ZNF679: variants seen among roughly 807,000 people sequenced by gnomAD.
ZNF679 encodes the protein zinc finger protein 679, also known as hypothetical protein MGC42415.
In ZNF679, 10 loss-of-function variants were observed where a neutral mutation model predicts 13.4. The ratio of observed to expected loss-of-function variants is 0.75; its 90% confidence interval spans 0.46 to 1.27. ZNF679 has a LOEUF of 1.27. Ranked by LOEUF, ZNF679 falls within the 50% of genes most tolerant of loss-of-function variation. The pLI, the probability that ZNF679 is intolerant of heterozygous loss-of-function variation, is 0.00. For synonymous variants in ZNF679, 179 were observed against 162.5 expected (o/e 1.10, Z -0.77); for missense variants, 525 against 477.8 (o/e 1.10, Z -0.92).
Position 64,260,873 on chromosome 7 carries a change from A to T in ZNF679, c.206A>T (p.Glu69Val). The change falls in exon 4 of 5, where the codon GAG becomes GTG. Residue 69 changes from glutamate to valine, a missense_variant. Physicochemically the swap from Glu to Val is moderately radical, Grantham distance 121 (BLOSUM62 -2). Transcript: ENST00000421025. The part of the protein sequence containing the change: ...VSKPDLITCL[E>V]QNKEPWNIKR... ...AAGCCAGACTTGATCACCTGTCTGG[A>T]GCAAAATAAAGAGCCTTGGAATATA... 1 of 1,610,712 alleles carries T rather than the reference A, an allele frequency of 6.2e-7. No homozygotes were observed. The highest frequency in any genetic ancestry group is 8.5e-7 in the Non-Finnish European group (1 of 1,179,042).
intron 1 of ZNF679, among the ~76,000 whole-genome samples, chr7:64,232,436 T>TG (rs1424367985): frequency 6.6e-6 from 1 of 152,208 alleles, no homozygotes; most frequent in Non-Finnish European, 1.5e-5. Context: ...TCTTATTGGC[T>TG]GGGTCCATCT....
rs1554299372 is a variant in ZNF679 at position 64,266,530 on chromosome 7, A to G, written c.897A>G (p.Glu299=). Residue 299 remains glutamate, a synonymous_variant, in exon 5 of 5, where the codon GAA becomes GAG. Coordinates refer to ENST00000421025, the MANE Select transcript of ZNF679 (RefSeq NM_153363.3). ...IHTGEKPYTC[E]ECGKAFSLSS... ...CTGGAGAGAAACCATACACATGTGA[A>G]GAATGTGGCAAAGCCTTTAGCTTAT... 5.6e-5 allele frequency: 90 copies of G among 1,612,542 alleles called. 1 individual carries two copies. The South Asian group carries it at 9.1e-4, about 16-fold the overall frequency.
At chr7:64,256,163 T>C (rs1012994925) in intron 2 of ZNF679, among the ~76,000 whole-genome samples, 1 of 152,186 alleles carries the variant, frequency 6.6e-6, no homozygotes, top group Non-Finnish European at 1.5e-5. Context: ...AGTGACAACA[T>C]ACAGTATTTG....
At chr7:64,250,705 C>T (rs992183517) in intron 2 of ZNF679, among the ~76,000 whole-genome samples, 1 of 151,992 alleles carries the variant, frequency 6.6e-6, no homozygotes, top group African/African-American at 2.4e-5. Context: ...TCTCCTGCCT[C>T]AGCCTCCCGA....
chr7:64,258,338 A>T (rs1788030535), intron 2 of ZNF679, among the ~76,000 whole-genome samples: 2 of 152,244 alleles, frequency 1.3e-5, no homozygotes, highest in Middle Eastern at 3.4e-3. Context: ...ATCTTATCTG[A>T]AAATACATTT....
intron 1 of ZNF679, among the ~76,000 whole-genome samples, chr7:64,232,229 G>T (rs1234044084): frequency 6.6e-6 from 1 of 152,200 alleles, no homozygotes; most frequent in Non-Finnish European, 1.5e-5. Context: ...TGTGTTGAGG[G>T]TGAAAATCTT....
chr7:64,230,737 C>T (rs1261757056), intron 1 of ZNF679, among the ~76,000 whole-genome samples: 2 of 152,094 alleles, frequency 1.3e-5, no homozygotes, highest in African/African-American at 4.8e-5. Context: ...TCACATTGGT[C>T]CCAACACCAG....
intron 2 of ZNF679, 31 bp from the exon 3 acceptor site, chr7:64,260,190 G>A: frequency 1.9e-6 from 3 of 1,577,070 alleles, no homozygotes; most frequent in Non-Finnish European, 2.6e-6. Flanking sequence ...GTGTTCATGA[G>A]TGTTTTTTTG....
Position 64,266,574 on chromosome 7 carries a change from A to G in ZNF679, c.941A>G (p.His314Arg). 2.5e-6 allele frequency: 4 copies of G among 1,612,332 alleles called. No individual in the cohort carries two copies. Among genetic ancestry groups the G allele is most frequent in the African/African-American group, 1.3e-5 (1 of 75,032 alleles). The stretch of plus-strand genomic sequence containing the variant: ...AGCTTATCCTCATCCCTCACTTACC[A>G]CAAGAGAATTCATACTGGAGAGAAA... The part of the protein sequence containing the change: ...AFSLSSSLTY[H>R]KRIHTGEKPY... The change falls in exon 5 of 5, where the codon CAC becomes CGC. Residue 314 changes from histidine to arginine, a missense_variant. His to Arg is a conservative substitution (Grantham distance 29, BLOSUM62 0). Coordinates refer to ENST00000421025, the MANE Select transcript of ZNF679 (RefSeq NM_153363.3).
rs928861971 is a variant in ZNF679, at chr7:64,260,985, G to A, written c.262+56G>A. ...AGATGAGAGGTGCAAAAGTCAAGGA[G>A]GAAGCCAGTCCTTAAAATGTGATTT... is the stretch of plus-strand genomic sequence containing the variant. On this transcript the variant is annotated intron_variant, in intron 4 of 4. Coordinates refer to ENST00000421025, the MANE Select transcript of ZNF679 (RefSeq NM_153363.3). 10 of 1,518,522 alleles carry A rather than the reference G, an allele frequency of 6.6e-6. No homozygotes were observed. In the African/African-American group the frequency reaches 1.4e-4, roughly 21 times the overall value. The allele number at this position is 1,518,522 out of a possible 1,614,324, so 94.1% of individuals were successfully genotyped here.
chr7:64,260,029 A>G (rs1283406440), intron 2 of ZNF679, among the ~76,000 whole-genome samples, 192 bp from the exon 3 acceptor site: 1 of 152,188 alleles, frequency 6.6e-6, no homozygotes, highest in Non-Finnish European at 1.5e-5. Flanking sequence ...TCATATCTAC[A>G]GTGGTATTGT....
intron 2 of ZNF679, among the ~76,000 whole-genome samples, chr7:64,257,730 G>A (rs1285614664): frequency 6.6e-6 from 1 of 152,138 alleles, no homozygotes; most frequent in Admixed American, 6.5e-5. Flanking sequence ...AATATTTCAG[G>A]GTGGAGATTG....
intron 2 of ZNF679, among the ~76,000 whole-genome samples, chr7:64,249,998 T>C (rs1221286230): frequency 3.9e-5 from 6 of 152,026 alleles, no homozygotes; most frequent in Non-Finnish European, 4.4e-5. Flanking sequence ...CCCGCCACCG[T>C]GCCTGGCTAA....
Position 64,266,551 on chromosome 7 carries a change from C to G in ZNF679, c.918C>G (p.Ser306Arg). Residue 306 changes from serine to arginine, a missense_variant, in exon 5 of 5, where the codon AGC becomes AGG. By Grantham distance (110) the Ser-to-Arg change is moderately radical. Coordinates refer to ENST00000421025, the MANE Select transcript of ZNF679 (RefSeq NM_153363.3). Reference sequence around the variant, plus strand: ...GTGAAGAATGTGGCAAAGCCTTTAGCTTATCCTCATCCCTCACTTACCACA... The same window carrying G: ...GTGAAGAATGTGGCAAAGCCTTTAGGTTATCCTCATCCCTCACTTACCACA... Reference protein sequence around the residue: ...YTCEECGKAFSLSSSLTYHKR... With the variant: ...YTCEECGKAFRLSSSLTYHKR... The G allele has an allele frequency of 6.2e-7, 1 of 1,612,482 alleles. No homozygotes were observed. The highest frequency in any genetic ancestry group is 8.5e-7 in the Non-Finnish European group (1 of 1,178,762).
At chr7:64,236,123 G>A (rs893716782) in intron 1 of ZNF679, among the ~76,000 whole-genome samples, 19 of 151,904 alleles carry the variant, frequency 1.3e-4, no homozygotes, top group African/African-American at 4.1e-4. Flanking sequence ...AAATTAGCCT[G>A]GTGTGGTGGC....
At chr7:64,258,062 TC>T (rs1422691871) in intron 2 of ZNF679, among the ~76,000 whole-genome samples, 1 of 152,072 alleles carries the variant, frequency 6.6e-6, no homozygotes, top group Non-Finnish European at 1.5e-5. Flanking sequence ...TAGGAAGAGG[TC>T]AGTGCGGTTC....
chr7:64,260,987 A>C, intron 4 of ZNF679, 58 bp downstream of exon 4: 2 of 1,507,734 alleles, frequency 1.3e-6, no homozygotes, highest in Non-Finnish European at 1.8e-6. Flanking sequence ...GTCAAGGAGG[A>C]AGCCAGTCCT....
At position 64,266,493 on chromosome 7, in the gene ZNF679, A is replaced by G; in HGVS notation, c.860A>G (p.Lys287Arg). 6.2e-7 allele frequency: 1 copy of G among 1,613,604 alleles called. No individual in the cohort carries two copies. The highest frequency in any genetic ancestry group is 1.1e-5 in the South Asian group (1 of 90,952). Residue 287 changes from lysine to arginine, a missense_variant, in exon 5 of 5, where the codon AAG becomes AGG. Transcript: ENST00000421025. ...CGCTCCTCAACACTTGCTAACCACA[A>G]GAGAATTCATACTGGAGAGAAACCA... ...FSRSSTLANH[K>R]RIHTGEKPYT...
intron 2 of ZNF679, among the ~76,000 whole-genome samples, chr7:64,259,165 G>A (rs1788043276): frequency 6.6e-6 from 1 of 152,062 alleles, no homozygotes; most frequent in Non-Finnish European, 1.5e-5. Flanking sequence ...ACCCGCCTTG[G>A]CCCCACAAAG....
Sources: allele counts gnomAD v4.1 joint callset (sites outside exome capture counted in the v4.1 genomes callset), GRCh38; gene constraint gnomAD v4.1.1; transcripts MANE v1.5; gene names NCBI Gene and HGNC (gene_info 2026-07-23, HGNC 2026-07-21).